Variants in PARD3B observed in about 807,000 individuals in gnomAD.
PARD3B encodes the protein par-3 family cell polarity regulator beta, also known as partitioning defective 3 homolog B.
Under a neutral mutation model 130.2 loss-of-function variants are expected in PARD3B, and 103 were observed. That is an observed-to-expected ratio of 0.79 (90% CI 0.67 to 0.93). The LOEUF (loss-of-function observed/expected upper bound fraction) is 0.93, where lower values mean the gene tolerates loss of function less well. Ranked by LOEUF, PARD3B falls within the 40% of genes least tolerant of loss-of-function variation. The probability of loss-of-function intolerance (pLI) is 0.00; values close to 1 mark genes in which losing one functional copy is unlikely to be tolerated. For missense variants in PARD3B, 1,609 were observed against 1,499.2 expected, an observed-to-expected ratio of 1.07 and a Z score of -1.21; for synonymous variants, 583 against 553.2, an observed-to-expected ratio of 1.05 and a Z score of -0.76.
intron 16 of PARD3B, among the ~76,000 whole-genome samples, chr2:205,271,996 A>G (rs1284875707): frequency 6.6e-6 from 1 of 152,020 alleles, no homozygotes; most frequent in Non-Finnish European, 1.5e-5. Flanking sequence ...CGTCTCTACT[A>G]AAAATACAAA....
At chr2:205,156,149 A>G (rs1458328156) in intron 10 of PARD3B, among the ~76,000 whole-genome samples, 22 of 151,668 alleles carry the variant, frequency 1.5e-4, no homozygotes, top group Non-Finnish European at 1.9e-4. Context: ...ATTCTCAGTA[A>G]ACTATCGCAA....
At chr2:205,496,800 C>G (rs532020308) in intron 20 of PARD3B, among the ~76,000 whole-genome samples, 1 of 151,426 alleles carries the variant, frequency 6.6e-6, no homozygotes, top group Non-Finnish European at 1.5e-5. Flanking sequence ...GAAAACAGTG[C>G]TTTATCAGTT....
intron 2 of PARD3B, among the ~76,000 whole-genome samples, chr2:204,728,376 C>G (rs918001001): frequency 1.3e-5 from 2 of 151,848 alleles, no homozygotes; most frequent in Non-Finnish European, 2.9e-5. Context: ...GGATCATGCT[C>G]AATGACATGA....
At chr2:205,534,243 CAAGTA>C (rs1225312413) in intron 21 of PARD3B, among the ~76,000 whole-genome samples, 1 of 152,056 alleles carries the variant, frequency 6.6e-6, no homozygotes, top group Non-Finnish European at 1.5e-5. Flanking sequence ...AGACAATAAA[CAAGTA>C]AAGAGTAAAT....
At chr2:205,596,359 G>A (rs1366712122) in intron 22 of PARD3B, among the ~76,000 whole-genome samples, 1 of 152,186 alleles carries the variant, frequency 6.6e-6, no homozygotes, top group African/African-American at 2.4e-5. Context: ...AAGCTGAATA[G>A]AATGTGATAT....
intron 20 of PARD3B, among the ~76,000 whole-genome samples, chr2:205,472,150 C>T (rs371544911): frequency 6.6e-6 from 1 of 152,168 alleles, no homozygotes; most frequent in East Asian, 1.9e-4. Flanking sequence ...TATTGTTATT[C>T]TCTGAAGGTA....
At chr2:205,552,721 G>A (rs1023791518) in intron 21 of PARD3B, among the ~76,000 whole-genome samples, 1 of 152,026 alleles carries the variant, frequency 6.6e-6, no homozygotes, top group Non-Finnish European at 1.5e-5. Context: ...GCCAGAAACG[G>A]TGCTTTTAAA....
At chr2:205,598,406 C>T (rs1276789321) in intron 22 of PARD3B, among the ~76,000 whole-genome samples, 1 of 150,432 alleles carries the variant, frequency 6.6e-6, no homozygotes, top group East Asian at 1.9e-4. Flanking sequence ...TTCAATACAA[C>T]AAGAACACTT....
rs1173870321 is a variant in PARD3B at position 204,557,990 on chromosome 2, A to G, written c.120+11871A>G. The G allele has an allele frequency of 2.6e-5, 4 of 152,148 alleles. No individual in the cohort carries two copies. In the East Asian group the frequency reaches 5.8e-4, roughly 22 times the overall value. 9.4% of individuals were successfully genotyped at this position (152,148 alleles called of 1,614,324 possible). On this transcript the variant is annotated intron_variant, in intron 1 of 22. Transcript: ENST00000406610. The stretch of plus-strand genomic sequence containing the variant: ...TGTTGATTTTAAAATTATCTGGACT[A>G]CCTCAATTTTGATGGATTCTTTATT...
rs572773724 is a variant in PARD3B, at chr2:205,585,241, C to T, written c.3261-30215C>T. ...AGGCTGGGAGATGAAAATGTGTATG[C>T]CCTATCCCACAAAGTAAATGCTGTC... On this transcript the variant is annotated intron_variant, in intron 22 of 22. Coordinates refer to ENST00000406610, the MANE Select transcript of PARD3B (RefSeq NM_001302769.2). The surrounding 1 kb of genome is among the most constrained non-coding windows in gnomAD (Gnocchi z 5.4). Among the ~76,000 whole-genome samples, 1 of 152,220 alleles carries T rather than the reference C, an allele frequency of 6.6e-6. No homozygotes were observed. The highest frequency in any genetic ancestry group is 2.4e-5 in the African/African-American group (1 of 41,528).
intron 20 of PARD3B, among the ~76,000 whole-genome samples, chr2:205,472,900 A>G (rs1308682515): frequency 6.6e-6 from 1 of 152,150 alleles, no homozygotes; most frequent in African/African-American, 2.4e-5. Context: ...GAACAGAACA[A>G]TGAGTAGTCA....
chr2:204,831,993 T>G (rs1466431801), intron 2 of PARD3B, among the ~76,000 whole-genome samples: 1 of 152,112 alleles, frequency 6.6e-6, no homozygotes, highest in African/African-American at 2.4e-5. Flanking sequence ...GAGGCCGAGA[T>G]GGGCGGATCA....
rs1394983831 is a variant in PARD3B, at chr2:205,142,654, C to T, written c.1435-16068C>T. Among the ~76,000 whole-genome samples the T allele has an allele frequency of 2.0e-5, 3 of 151,818 alleles. No individual in the cohort carries two copies. The highest frequency in any genetic ancestry group is 2.9e-5 in the Non-Finnish European group (2 of 67,944). ...CAACACTTTGGGAGGCCGAGGTGGG[C>T]GGATCAAGAGGTCAGGAGTTTGAGA... On this transcript the variant is annotated intron_variant, in intron 10 of 22. Transcript: ENST00000406610. The surrounding 1 kb of genome is among the most constrained non-coding windows in gnomAD (Gnocchi z 4.3).
chr2:205,534,238 A>G (rs982839392), intron 21 of PARD3B, among the ~76,000 whole-genome samples: 2 of 152,218 alleles, frequency 1.3e-5, no homozygotes, highest in African/African-American at 4.8e-5. Flanking sequence ...GAGATAGACA[A>G]TAAACAAGTA....
chr2:205,060,541 T>C (rs1467277756), intron 4 of PARD3B, among the ~76,000 whole-genome samples: 1 of 152,106 alleles, frequency 6.6e-6, no homozygotes, highest in Non-Finnish European at 1.5e-5. Flanking sequence ...GTTAAGCAAG[T>C]GTAATTTAGT....
chr2:205,547,384 T>G (rs1316032873), intron 21 of PARD3B, among the ~76,000 whole-genome samples: 1 of 152,172 alleles, frequency 6.6e-6, no homozygotes, highest in Non-Finnish European at 1.5e-5. Flanking sequence ...TTTATAGTGG[T>G]CTCTGTTCAG....
In PARD3B at chr2:205,011,967, G is replaced by T. The variant is rs1335865936; in HGVS notation, c.395-35614G>T. On this transcript the variant is annotated intron_variant, in intron 3 of 22. Transcript: ENST00000406610. This position sits in a 1 kb window ranked among gnomAD's most constrained non-coding sequence, Gnocchi z 4.1. ...GACTGAGGAATGGAAATGGGCCAAG[G>T]CCTCGTTGGGCATTTTACAGGCTTT... Among the ~76,000 whole-genome samples, 1 of 152,126 alleles carries T rather than the reference G, an allele frequency of 6.6e-6. No homozygotes were observed. Among genetic ancestry groups the T allele is most frequent in the Non-Finnish European group, 1.5e-5 (1 of 68,028 alleles).
chr2:205,209,957 C>G (rs575250923), intron 15 of PARD3B, among the ~76,000 whole-genome samples: 57 of 152,214 alleles, frequency 3.7e-4, no homozygotes, highest in Middle Eastern at 6.8e-3. Context: ...TGATACCCCA[C>G]TTTCCATGAT....
At chr2:205,518,235 G>GA (rs1287984585) in intron 21 of PARD3B, among the ~76,000 whole-genome samples, 1 of 152,154 alleles carries the variant, frequency 6.6e-6, no homozygotes, top group African/African-American at 2.4e-5. Flanking sequence ...AGGTCTCTAA[G>GA]AACTTGCTTT....
Sources: allele counts gnomAD v4.1 joint callset (sites outside exome capture counted in the v4.1 genomes callset), GRCh38; gene constraint gnomAD v4.1.1; non-coding constraint Gnocchi (gnomAD v3.1); transcripts MANE v1.5; gene names NCBI Gene and HGNC (gene_info 2026-07-23, HGNC 2026-07-21).